XPO5: variants seen among roughly 807,000 people sequenced by gnomAD.
The protein encoded by XPO5 is exportin 5, also known as exportin-5.
XPO5 carries 46 observed loss-of-function variants against 160.6 expected under a neutral mutation model. That is an observed-to-expected ratio of 0.29 (90% CI 0.23 to 0.37). The LOEUF (loss-of-function observed/expected upper bound fraction) is 0.37, where lower values mean the gene tolerates loss of function less well. XPO5 is among the 10% of genes least tolerant of loss of function. The pLI, the probability that XPO5 is intolerant of heterozygous loss-of-function variation, is 1.00. For synonymous variants in XPO5, 537 were observed against 519.3 expected, an observed-to-expected ratio of 1.03 and a Z score of -0.46; for missense variants, 1,090 against 1,463.9, an observed-to-expected ratio of 0.74 and a Z score of 4.17.
In XPO5 at chr6:43,567,249, C is replaced by T. The variant is rs749927387; in HGVS notation, c.754G>A (p.Glu252Lys). The change falls in exon 7 of 32, where the codon GAG becomes AAG. Residue 252 changes from glutamate to lysine, a missense_variant. This residue lies in a region of XPO5 where 110 missense variants were observed against 97.9 expected (regional missense o/e 1.12). Coordinates refer to ENST00000265351, the MANE Select transcript of XPO5 (RefSeq NM_020750.3). ...TCATTCAACAGCAAACACAGTATCTCCAGGAGTTTACAGTTTTCAGCAGTG... is the reference window on the plus strand; with the variant it reads ...TCATTCAACAGCAAACACAGTATCTTCAGGAGTTTACAGTTTTCAGCAGTG... ...HITAENCKLL[E>K]ILCLLLNEQE... 6.2e-7 allele frequency: 1 copy of T among 1,613,992 alleles called. No individual in the cohort carries two copies. Among genetic ancestry groups the T allele is most frequent in the Non-Finnish European group, 8.5e-7 (1 of 1,179,880 alleles).
intron 24 of XPO5, 85 bp downstream of exon 24, chr6:43,528,743 C>T: frequency 7.6e-7 from 1 of 1,315,004 alleles, no homozygotes; most frequent in Non-Finnish European, 1.1e-6. Flanking sequence ...GACAACACTT[C>T]TAGGAGCTCC....
chr6:43,574,656 G>A (rs1056537287), intron 1 of XPO5, among the ~76,000 whole-genome samples: 2 of 152,090 alleles, frequency 1.3e-5, no homozygotes, highest in African/African-American at 4.8e-5. Flanking sequence ...GTACATAGGG[G>A]TGAAATAACA....
chr6:43,539,481 T>C, intron 20 of XPO5: 2 of 1,574,200 alleles, frequency 1.3e-6, no homozygotes, highest in Middle Eastern at 1.9e-4. Context: ...AGGGACTTGA[T>C]CTTCATGTCC....
At position 43,562,274 on chromosome 6, in the gene XPO5, C is replaced by T. The variant is rs754664679; in HGVS notation, c.984G>A (p.Ala328=). The change falls in exon 9 of 32, where the codon GCG becomes GCA. Residue 328 remains alanine (A), a synonymous_variant. Transcript: ENST00000265351. ...GCAATGCACACAGCTGATTGCCCAGCGCACACAACACCTGACAGAGCCTCT... is the reference window on the plus strand; with the variant it reads ...GCAATGCACACAGCTGATTGCCCAGTGCACACAACACCTGACAGAGCCTCT... The part of the protein sequence containing the change: ...FLKRLCQVLC[A]LGNQLCALLG... The T allele has an allele frequency of 2.5e-5, 40 of 1,608,144 alleles. No individual in the cohort carries two copies. Among genetic ancestry groups the T allele is most frequent in the African/African-American group, 2.7e-5 (2 of 74,844 alleles).
At chr6:43,549,629 G>T in intron 16 of XPO5, 51 bp from the exon 17 acceptor site, 1 of 1,580,864 alleles carries the variant, frequency 6.3e-7, no homozygotes, top group Non-Finnish European at 8.6e-7. Context: ...ATAATATACA[G>T]GTGCTGCATA....
intron 20 of XPO5, among the ~76,000 whole-genome samples, chr6:43,542,854 TCTACTC>T (rs1794773025): frequency 6.6e-6 from 1 of 152,206 alleles, no homozygotes; most frequent in Non-Finnish European, 1.5e-5. Flanking sequence ...AGCTAGGAAT[TCTACTC>T]CTATGTGTGT....
Position 43,522,660 on chromosome 6 carries a change from C to T in XPO5, c.*1208G>A, listed in dbSNP as rs1445506515. ...TTCTCAATCTGACCCTGCCTGTGGC[C>T]CGCACCAGCTAAAAACTGTAGCTTC... On this transcript the variant is annotated 3_prime_UTR_variant, in exon 32 of 32. Coordinates refer to ENST00000265351, the MANE Select transcript of XPO5 (RefSeq NM_020750.3). The T allele has an allele frequency of 8.6e-6, 4 of 466,944 alleles. No individual in the cohort carries two copies. Among genetic ancestry groups the T allele is most frequent in the Admixed American group, 2.1e-5 (1 of 46,618 alleles). 28.9% of individuals were successfully genotyped at this position (466,944 alleles called of 1,614,324 possible). A position where few individuals can be genotyped will look rare whatever the true frequency, so the allele number is the denominator to read the frequency against.
At chr6:43,553,332 T>C in intron 14 of XPO5, 41 bp downstream of exon 14, 3 of 1,578,430 alleles carry the variant, frequency 1.9e-6, no homozygotes, top group Non-Finnish European at 2.6e-6. Flanking sequence ...AAGAAAAAGG[T>C]CAAAATAATC....
intron 19 of XPO5, 23 bp downstream of exon 19, chr6:43,547,585 T>G: frequency 6.2e-7 from 1 of 1,611,714 alleles, no homozygotes; most frequent in Non-Finnish European, 8.5e-7. Context: ...CAATGCCACT[T>G]CCCATTCCCA....
chr6:43,540,987 A>C (rs1473294060), intron 20 of XPO5, among the ~76,000 whole-genome samples: 3 of 152,210 alleles, frequency 2.0e-5, no homozygotes, highest in Admixed American at 6.5e-5. Context: ...ATGCTAAATG[A>C]AATAAGCCAG....
chr6:43,549,501 G>T lies in XPO5; in HGVS notation c.1848C>A (p.Pro616=), dbSNP rs777675202. The part of the protein sequence containing the change: ...SSIIKMCRDY[P]QLVLPNFDML... ...TCCAGCAGCTTACCAGCACAAGCTGGGGGTAGTCACGACACATCTTGATGA... is the reference window on the plus strand; with the variant it reads ...TCCAGCAGCTTACCAGCACAAGCTGTGGGTAGTCACGACACATCTTGATGA... The change falls in exon 17 of 32, where the codon CCC becomes CCA. Residue 616 remains proline, a synonymous_variant. Coordinates refer to ENST00000265351, the MANE Select transcript of XPO5 (RefSeq NM_020750.3). 1 of 1,611,774 alleles carries T rather than the reference G, an allele frequency of 6.2e-7. No individual in the cohort carries two copies. The highest frequency in any genetic ancestry group is 1.1e-5 in the South Asian group (1 of 90,796).
At position 43,572,544 on chromosome 6, in the gene XPO5, C is replaced by T; in HGVS notation, c.262G>A (p.Val88Met). The T allele has an allele frequency of 6.2e-7, 1 of 1,613,968 alleles. No individual in the cohort carries two copies. Among genetic ancestry groups the T allele is most frequent in the East Asian group, 2.2e-5 (1 of 44,880 alleles). ...RWNGMSRLEK[V>M]YLKNSVMELI... ...TCCATGACACTGTTCTTCAGATACA[C>T]CTTCTCCAATCGAGACATGCCGTTC... The change falls in exon 3 of 32, where the codon GTG becomes ATG. Residue 88 changes from valine (V) to methionine (M), a missense_variant. Val to Met is a conservative substitution (Grantham distance 21). This residue lies in a region of XPO5 where 170 missense variants were observed against 227.0 expected (regional missense o/e 0.75). Transcript: ENST00000265351.
rs529849715 is a variant in XPO5, at chr6:43,523,659, T to C, written c.*209A>G. ...TATCTGGGACATCTAGACAGAATAG[T>C]TTAAGCCCTAACTCCCTTTCTTGAT... On this transcript the variant is annotated 3_prime_UTR_variant, in exon 32 of 32. Transcript: ENST00000265351. 1.2e-6 allele frequency: 1 copy of C among 849,136 alleles called. No homozygotes were observed. The highest frequency in any genetic ancestry group is 2.1e-6 in the Non-Finnish European group (1 of 487,394). The allele number at this position is 849,136 out of a possible 1,614,324, so 52.6% of individuals were successfully genotyped here.
Position 43,560,219 on chromosome 6 carries a change from T to C in XPO5, c.1180A>G (p.Ile394Val), listed in dbSNP as rs1339096626. 1 of 1,612,594 alleles carries C rather than the reference T, an allele frequency of 6.2e-7. No individual in the cohort carries two copies. The highest frequency in any genetic ancestry group is 2.2e-5 in the East Asian group (1 of 44,870). ...ATGGAAGCACGAAGATATTTTGGTATTATTGCTAATAGCAAAGGATCACGG... is the reference window on the plus strand; with the variant it reads ...ATGGAAGCACGAAGATATTTTGGTACTATTGCTAATAGCAAAGGATCACGG... ...LSRDPLLLAI[I>V]PKYLRASMTN... Residue 394 changes from isoleucine to valine, a missense_variant, in exon 11 of 32, where the codon ATA becomes GTA. Around this residue, in one of 3 missense-constraint regions of XPO5, gnomAD observed 810 missense variants for 1,139.0 expected, o/e 0.71. Coordinates refer to ENST00000265351, the MANE Select transcript of XPO5 (RefSeq NM_020750.3).
chr6:43,569,302 A>G (rs200620752), intron 5 of XPO5, among the ~76,000 whole-genome samples: 1 of 151,332 alleles, frequency 6.6e-6, no homozygotes, highest in African/African-American at 2.4e-5. Flanking sequence ...CAAAAAAAAA[A>G]AAACAACAAA....
intron 5 of XPO5, among the ~76,000 whole-genome samples, chr6:43,570,235 C>CT (rs1455611499): frequency 6.9e-6 from 1 of 145,116 alleles, no homozygotes; most frequent in Non-Finnish European, 1.5e-5. Flanking sequence ...TCGCTTGAAC[C>CT]TGGGAGGCAG....
In XPO5 at chr6:43,575,407, T is replaced by G. The variant is rs148992413; in HGVS notation, c.105+353A>C. Among the ~76,000 whole-genome samples, 77 of 152,122 alleles carry G rather than the reference T, an allele frequency of 5.1e-4. No homozygotes were observed. The East Asian group carries it at 8.5e-3, about 17-fold the overall frequency. On this transcript the variant is annotated intron_variant, in intron 1 of 31. Transcript: ENST00000265351. ...TGGGGGCGGGATCTACACGTGCGCCTCGGGAAGGCGAGGGGATGTCGGGCT... is the reference window on the plus strand; with the variant it reads ...TGGGGGCGGGATCTACACGTGCGCCGCGGGAAGGCGAGGGGATGTCGGGCT...
chr6:43,561,736 A>G (rs551705778), intron 9 of XPO5: 1 of 153,410 alleles, frequency 6.5e-6, no homozygotes, highest in African/African-American at 2.4e-5. Context: ...ACCACCACAA[A>G]AAGATATAAC....
intron 10 of XPO5, 59 bp downstream of exon 10, chr6:43,560,865 A>T: frequency 7.6e-7 from 1 of 1,313,988 alleles, no homozygotes; most frequent in South Asian, 1.2e-5. Flanking sequence ...TTCAGGACAC[A>T]GTGCTTGACA....
Sources: gnomAD v4.1 joint callset for allele counts (sites outside exome capture counted in the v4.1 genomes callset) on GRCh38, gnomAD v4.1.1 for gene constraint, gnomAD v4.1.1 regional missense constraint, MANE v1.5 for transcripts, NCBI Gene and HGNC (gene_info 2026-07-23, HGNC 2026-07-21) for gene names.